Variants in ARHGAP24 observed in about 807,000 individuals in gnomAD.
ARHGAP24 encodes Rho GTPase activating protein 24, also known as rho GTPase-activating protein 24.
ARHGAP24 carries 50 observed loss-of-function variants against 76.4 expected under a neutral mutation model. The observed-to-expected ratio is 0.65, with a 90% CI of 0.52 to 0.83. The LOEUF is 0.83. ARHGAP24 is among the 40% of genes least tolerant of loss of function. The pLI is 0.00. For missense variants in ARHGAP24, 930 were observed against 914.2 expected, an observed-to-expected ratio of 1.02 and a Z score of -0.22; for synonymous variants, 345 against 323.3, an observed-to-expected ratio of 1.07 and a Z score of -0.72.
intron 2 of ARHGAP24, among the ~76,000 whole-genome samples, chr4:85,711,223 C>A (rs1171046569): frequency 6.6e-6 from 1 of 151,936 alleles, no homozygotes; most frequent in Non-Finnish European, 1.5e-5. Flanking sequence ...AGGGGAGCAA[C>A]AGACACTGGG....
intron 3 of ARHGAP24, 150 bp from the exon 4 acceptor site, chr4:85,923,498 A>T: frequency 8.7e-7 from 1 of 1,147,276 alleles, no homozygotes; most frequent in Non-Finnish European, 1.2e-6. Flanking sequence ...TTTTCTTTCC[A>T]CTCAGAAACC....
intron 2 of ARHGAP24, among the ~76,000 whole-genome samples, chr4:85,696,790 T>C (rs1442572665): frequency 2.6e-5 from 4 of 151,976 alleles, no homozygotes; most frequent in East Asian, 1.9e-4. Context: ...TTCAACTGAG[T>C]AGAGGGAGAA....
In ARHGAP24 at chr4:85,994,571, A is replaced by G. The variant is rs754246589; in HGVS notation, c.929-12A>G. The G allele has an allele frequency of 1.4e-5, 23 of 1,613,038 alleles. No homozygotes were observed. The African/African-American group carries it at 1.7e-4, about 12-fold the overall frequency. ...TCTCACTCATGCTACTTTATGTTCT[A>G]TGCAATTCTAGGCACTGTGGTGGTC... On this transcript the variant is annotated splice_polypyrimidine_tract_variant and intron_variant, in intron 8 of 9. Coordinates refer to ENST00000395184, the MANE Select transcript of ARHGAP24 (RefSeq NM_001025616.3).
intron 5 of ARHGAP24, among the ~76,000 whole-genome samples, chr4:85,952,849 T>C (rs1737698732): frequency 1.3e-5 from 2 of 152,204 alleles, no homozygotes; most frequent in Non-Finnish European, 2.9e-5. Flanking sequence ...ACAGATATCA[T>C]AGTTTCTAAC....
At chr4:85,827,088 G>T (rs1274363651) in intron 3 of ARHGAP24, among the ~76,000 whole-genome samples, 1 of 151,934 alleles carries the variant, frequency 6.6e-6, no homozygotes, top group Non-Finnish European at 1.5e-5. Flanking sequence ...TTATATTTTT[G>T]GCAAGAAATG....
intron 1 of ARHGAP24, among the ~76,000 whole-genome samples, chr4:85,564,924 GTATATATATATATATATATATATA>G (rs3028011): frequency 0.011 from 573 of 53,258 alleles, 23 homozygotes; most frequent in African/African-American, 0.018. Context: ...AACACACACG[GTATATATATATATATATATATATA>G]TATATATATA....
At chr4:85,645,540 A>T (rs922095040) in intron 2 of ARHGAP24, among the ~76,000 whole-genome samples, 1 of 152,086 alleles carries the variant, frequency 6.6e-6, no homozygotes. Context: ...GCATGAATAT[A>T]GTATTTGTGT....
chr4:85,935,870 C>A (rs934110451), intron 4 of ARHGAP24, among the ~76,000 whole-genome samples: 11 of 152,172 alleles, frequency 7.2e-5, no homozygotes, highest in Non-Finnish European at 1.3e-4. Flanking sequence ...TTCCTTCCCC[C>A]CTCTGACTTT....
chr4:85,842,150 TAGCTA>T (rs2110150256), intron 3 of ARHGAP24, among the ~76,000 whole-genome samples: 1 of 152,356 alleles, frequency 6.6e-6, no homozygotes, highest in Admixed American at 6.5e-5. Flanking sequence ...AAATACAGCA[TAGCTA>T]ATACAATCTG....
intron 3 of ARHGAP24, among the ~76,000 whole-genome samples, chr4:85,858,733 G>A (rs778073036): frequency 1.3e-5 from 2 of 152,056 alleles, no homozygotes; most frequent in African/African-American, 4.8e-5. Flanking sequence ...AAAAGGAGTG[G>A]ATGCATTCCA....
At chr4:85,923,038 G>A (rs1272496576) in intron 3 of ARHGAP24, among the ~76,000 whole-genome samples, 1 of 151,750 alleles carries the variant, frequency 6.6e-6, no homozygotes, top group African/African-American at 2.4e-5. Context: ...TGGCTGTCCA[G>A]GCATGTCTTC....
At chr4:85,867,983 A>G (rs1026556652) in intron 3 of ARHGAP24, among the ~76,000 whole-genome samples, 21 of 151,000 alleles carry the variant, frequency 1.4e-4, no homozygotes, top group Admixed American at 1.1e-3. Context: ...TGGGTTTCCA[A>G]GGTGAAAGAT....
chr4:85,761,318 G>A (rs890619216), intron 3 of ARHGAP24, among the ~76,000 whole-genome samples: 1 of 152,136 alleles, frequency 6.6e-6, no homozygotes, highest in Non-Finnish European at 1.5e-5. Context: ...GCCTTGCGAT[G>A]GCTTCTCTTT....
intron 2 of ARHGAP24, among the ~76,000 whole-genome samples, chr4:85,690,178 A>C (rs1350983298): frequency 6.6e-6 from 1 of 152,156 alleles, no homozygotes; most frequent in Non-Finnish European, 1.5e-5. Flanking sequence ...ATGTTGATCC[A>C]GTCTTTGTTG....
chr4:85,608,591 C>T (rs1318842889), intron 2 of ARHGAP24, among the ~76,000 whole-genome samples: 3 of 113,606 alleles, frequency 2.6e-5, no homozygotes, highest in African/African-American at 1.1e-4. Flanking sequence ...CAGAGACTTG[C>T]TCTGTCGCCA....
chr4:85,874,827 A>G (rs1315754645), intron 3 of ARHGAP24, among the ~76,000 whole-genome samples: 12 of 60,180 alleles, frequency 2.0e-4, no homozygotes, highest in Non-Finnish European at 2.9e-4. Context: ...TATAATTTAT[A>G]TATAAAATAT....
At chr4:85,937,832 C>T (rs1736734359) in intron 4 of ARHGAP24, among the ~76,000 whole-genome samples, 1 of 152,014 alleles carries the variant, frequency 6.6e-6, no homozygotes, top group African/African-American at 2.4e-5. Context: ...CAAAAGTTAG[C>T]AAGTGGATGG....
intron 3 of ARHGAP24, among the ~76,000 whole-genome samples, chr4:85,738,318 C>T (rs1034552526): frequency 6.6e-6 from 1 of 151,344 alleles, no homozygotes; most frequent in African/African-American, 2.4e-5. Context: ...CATATATCTC[C>T]TTTGGATAAA....
chr4:85,972,350 CT>C, intron 6 of ARHGAP24, 182 bp downstream of exon 6: 1 of 722,068 alleles, frequency 1.4e-6, no homozygotes. Context: ...GATCCCCTCT[CT>C]GATCAAAAAA....
Sources: gnomAD v4.1 joint callset for allele counts (sites outside exome capture counted in the v4.1 genomes callset) on GRCh38, gnomAD v4.1.1 for gene constraint, MANE v1.5 for transcripts, NCBI Gene and HGNC (gene_info 2026-07-23, HGNC 2026-07-21) for gene names.